Variants in ST6GALNAC3 observed in about 807,000 individuals in gnomAD.
ST6GALNAC3 encodes ST6 N-acetylgalactosaminide alpha-2,6-sialyltransferase 3.
ST6GALNAC3 carries 25 observed loss-of-function variants against 32.7 expected under a neutral mutation model. The observed-to-expected ratio is 0.76, with a 90% CI of 0.56 to 1.07. The LOEUF (loss-of-function observed/expected upper bound fraction) is 1.07, where lower values mean the gene tolerates loss of function less well. Ranked by LOEUF, ST6GALNAC3 falls within the 50% of genes least tolerant of loss-of-function variation. The pLI, the probability that ST6GALNAC3 is intolerant of heterozygous loss-of-function variation, is 0.00. For missense variants in ST6GALNAC3, 355 were observed against 382.4 expected, an observed-to-expected ratio of 0.93 and a Z score of 0.60; for synonymous variants, 129 against 133.1, an observed-to-expected ratio of 0.97 and a Z score of 0.21.
intron 2 of ST6GALNAC3, among the ~76,000 whole-genome samples, chr1:76,373,847 A>G (rs984172125): frequency 1.3e-5 from 2 of 152,194 alleles, no homozygotes; most frequent in African/African-American, 4.8e-5. Flanking sequence ...TGCTGTAAGT[A>G]TTTCCATTCT....
At chr1:76,595,033 A>C (rs986321557) in intron 3 of ST6GALNAC3, among the ~76,000 whole-genome samples, 1 of 152,202 alleles carries the variant, frequency 6.6e-6, no homozygotes, top group Admixed American at 6.5e-5. Flanking sequence ...CAAAAAAAGG[A>C]GAGCTGTTTT....
At chr1:76,379,005 C>T (rs1387646528) in intron 2 of ST6GALNAC3, among the ~76,000 whole-genome samples, 1 of 152,210 alleles carries the variant, frequency 6.6e-6, no homozygotes, top group Non-Finnish European at 1.5e-5. Flanking sequence ...GCAAGTGATT[C>T]TCCTGCCTCA....
chr1:76,291,971 C>G (rs547224465), intron 1 of ST6GALNAC3, among the ~76,000 whole-genome samples: 21 of 152,338 alleles, frequency 1.4e-4, no homozygotes, highest in South Asian at 6.2e-4. Context: ...TCATTAATCT[C>G]TCTTTGGCTT....
At chr1:76,348,748 A>G (rs1570920004) in intron 2 of ST6GALNAC3, among the ~76,000 whole-genome samples, 1 of 150,420 alleles carries the variant, frequency 6.6e-6, no homozygotes, top group East Asian at 1.9e-4. Context: ...ATGCATGCCT[A>G]TATATATATA....
At chr1:76,485,332 G>C (rs1660038014) in intron 3 of ST6GALNAC3, among the ~76,000 whole-genome samples, 1 of 152,106 alleles carries the variant, frequency 6.6e-6, no homozygotes, top group Admixed American at 6.5e-5. Flanking sequence ...GTAGAATTAG[G>C]CTGTGAATCC....
At chr1:76,197,217 T>C (rs1025479566) in intron 1 of ST6GALNAC3, among the ~76,000 whole-genome samples, 30 of 152,158 alleles carry the variant, frequency 2.0e-4, no homozygotes, top group African/African-American at 7.2e-4. Context: ...CTGATGAAGA[T>C]GTGCTAAATG....
chr1:76,442,500 A>G (rs920540545), intron 3 of ST6GALNAC3, among the ~76,000 whole-genome samples: 4 of 152,206 alleles, frequency 2.6e-5, no homozygotes, highest in African/African-American at 9.6e-5. Flanking sequence ...CTTTGTACAC[A>G]TCCTAGTGGC....
At chr1:76,393,583 T>G (rs376888062) in intron 2 of ST6GALNAC3, among the ~76,000 whole-genome samples, 35 of 152,202 alleles carry the variant, frequency 2.3e-4, no homozygotes, top group East Asian at 1.3e-3. Flanking sequence ...GTATATGATG[T>G]GTACACATTT....
chr1:76,156,799 T>C (rs1651461214), intron 1 of ST6GALNAC3, among the ~76,000 whole-genome samples: 1 of 152,224 alleles, frequency 6.6e-6, no homozygotes, highest in Non-Finnish European at 1.5e-5. Context: ...TGGCGCGATC[T>C]TGGCTCACTG....
At chr1:76,327,272 A>ATGCG (rs767856736) in intron 2 of ST6GALNAC3, among the ~76,000 whole-genome samples, 1 of 130,420 alleles carries the variant, frequency 7.7e-6, no homozygotes, top group Admixed American at 8.1e-5. Flanking sequence ...GTATGTATAT[A>ATGCG]TGCGTGTGTG....
At chr1:76,628,182 C>G (rs962194497) in intron 4 of ST6GALNAC3, among the ~76,000 whole-genome samples, 1 of 151,914 alleles carries the variant, frequency 6.6e-6, no homozygotes, top group African/African-American at 2.4e-5. Context: ...AATTCACAGA[C>G]TGTTTTAATC....
chr1:76,451,083 G>A lies in ST6GALNAC3; in HGVS notation c.623+38666G>A, dbSNP rs192794304. On this transcript the variant is annotated intron_variant, in intron 3 of 4. Transcript: ENST00000328299. Reference sequence around the variant, plus strand: ...TTAGGATTGTTTTTTCTAGTTCTGTGAAGAACGATGGTTGTATTTTTTGGG... The same window carrying A: ...TTAGGATTGTTTTTTCTAGTTCTGTAAAGAACGATGGTTGTATTTTTTGGG... Among the ~76,000 whole-genome samples, 135 of 152,284 alleles carry A rather than the reference G, an allele frequency of 8.9e-4. No homozygotes were observed. The East Asian group carries it at 0.02, about 23-fold the overall frequency.
rs149538117 is a variant in ST6GALNAC3, at chr1:76,161,543, T to G, written c.18+86659T>G. 2.6e-5 allele frequency among the ~76,000 whole-genome samples: 4 copies of G among 152,252 alleles called. No homozygotes were observed. In the East Asian group the frequency reaches 7.7e-4, roughly 29 times the overall value. ...CATTTAATGGTGGGACCTCTGGAGA[T>G]TTTTCTCTCTGCTAATCACCCAAGG... On this transcript the variant is annotated intron_variant, in intron 1 of 4. Coordinates refer to ENST00000328299, the MANE Select transcript of ST6GALNAC3 (RefSeq NM_152996.4).
intron 2 of ST6GALNAC3, among the ~76,000 whole-genome samples, chr1:76,393,834 G>A (rs12021906): frequency 0.29 from 43,906 of 151,828 alleles, 7,661 homozygotes; most frequent in East Asian, 0.6. Context: ...TCTTTAGTGC[G>A]CTGAAGGAGT....
At chr1:76,348,627 C>T (rs1648714707) in intron 2 of ST6GALNAC3, among the ~76,000 whole-genome samples, 1 of 152,038 alleles carries the variant, frequency 6.6e-6, no homozygotes, top group African/African-American at 2.4e-5. Flanking sequence ...AATGCTGATG[C>T]CAATTTTATG....
chr1:76,504,059 G>A (rs745631215), intron 3 of ST6GALNAC3, among the ~76,000 whole-genome samples: 6 of 152,086 alleles, frequency 3.9e-5, no homozygotes, highest in African/African-American at 1.2e-4. Flanking sequence ...TAGAAAATTC[G>A]GTGGCTTAAA....
intron 3 of ST6GALNAC3, among the ~76,000 whole-genome samples, chr1:76,610,903 C>T (rs949679076): frequency 4.6e-5 from 7 of 152,130 alleles, no homozygotes; most frequent in Non-Finnish European, 7.4e-5. Flanking sequence ...GCATTCCAGC[C>T]TCATAGCAGG....
intron 1 of ST6GALNAC3, among the ~76,000 whole-genome samples, chr1:76,263,196 G>A (rs1658342362): frequency 6.6e-6 from 1 of 152,148 alleles, no homozygotes; most frequent in African/African-American, 2.4e-5. Context: ...GTAAACTTGG[G>A]TGAATGATTT....
At chr1:76,419,003 TATC>T in intron 3 of ST6GALNAC3, among the ~76,000 whole-genome samples, 1 of 151,662 alleles carries the variant, frequency 6.6e-6, no homozygotes. Flanking sequence ...TTTATAAAGA[TATC>T]AGTACAAACC....
Sources: allele counts gnomAD v4.1 joint callset (sites outside exome capture counted in the v4.1 genomes callset), GRCh38; gene constraint gnomAD v4.1.1; transcripts MANE v1.5; gene names NCBI Gene and HGNC (gene_info 2026-07-23, HGNC 2026-07-21).